Variants in RBFOX1 observed in about 807,000 individuals in gnomAD.
RBFOX1 encodes the protein RNA binding protein fox-1 homolog 1.
Under a neutral mutation model 57.7 loss-of-function variants are expected in RBFOX1, and 8 were observed. That is an observed-to-expected ratio of 0.14 (90% CI 0.08 to 0.25). RBFOX1 has a LOEUF of 0.25. RBFOX1 is among the 10% of genes least tolerant of loss of function. The probability of loss-of-function intolerance (pLI) is 1.00; values close to 1 mark genes in which losing one functional copy is unlikely to be tolerated. For missense variants in RBFOX1, 611 were observed against 548.5 expected (o/e 1.11, Z -1.14); for synonymous variants, 326 against 222.4 (o/e 1.47, Z -4.15).
At chr16:5,751,949 G>A (rs910074866) in intron 3 of RBFOX1, among the ~76,000 whole-genome samples, 4 of 152,010 alleles carry the variant, frequency 2.6e-5, no homozygotes, top group Non-Finnish European at 4.4e-5. Context: ...AATATAAATC[G>A]TTCTATTATA....
intron 4 of RBFOX1, among the ~76,000 whole-genome samples, chr16:5,998,933 C>T (rs2060538016): frequency 6.6e-6 from 1 of 152,140 alleles, no homozygotes; most frequent in Non-Finnish European, 1.5e-5. Flanking sequence ...GAACATCTCC[C>T]TATGGAACAT....
At chr16:6,044,020 G>C (rs780880184) in intron 1 of RBFOX1, among the ~76,000 whole-genome samples, 1 of 152,106 alleles carries the variant, frequency 6.6e-6, no homozygotes, top group African/African-American at 2.4e-5. Context: ...GTGGTTTCCC[G>C]GTGCTCTGCC....
chr16:6,598,443 G>A (rs1344933679), intron 2 of RBFOX1, among the ~76,000 whole-genome samples: 2 of 152,150 alleles, frequency 1.3e-5, no homozygotes, highest in African/African-American at 4.8e-5. Context: ...TAAAACTAAT[G>A]TTCTTGTTAT....
chr16:5,243,446 T>G (rs868812088), intron 1 of RBFOX1, among the ~76,000 whole-genome samples: 1 of 152,128 alleles, frequency 6.6e-6, no homozygotes, highest in African/African-American at 2.4e-5. Flanking sequence ...AGGAGAAACC[T>G]GGGTTTCTCA....
chr16:6,269,174 T>C (rs1170493482), intron 1 of RBFOX1, among the ~76,000 whole-genome samples: 1 of 152,240 alleles, frequency 6.6e-6, no homozygotes, highest in Non-Finnish European at 1.5e-5. Context: ...TTCAAAATTA[T>C]GCTGTATGCT....
At chr16:6,833,594 G>C (rs145625835) in intron 3 of RBFOX1, among the ~76,000 whole-genome samples, 115 of 152,266 alleles carry the variant, frequency 7.6e-4, no homozygotes, top group African/African-American at 2.6e-3. Flanking sequence ...TTATACACCT[G>C]TTAGTATGTT....
intron 4 of RBFOX1, among the ~76,000 whole-genome samples, chr16:7,213,567 A>C (rs1052792876): frequency 6.7e-6 from 1 of 148,626 alleles, no homozygotes; most frequent in Non-Finnish European, 1.5e-5. Context: ...CAAAAAAAAA[A>C]ACACAAACAA....
intron 2 of RBFOX1, among the ~76,000 whole-genome samples, chr16:6,374,383 C>G (rs908814099): frequency 1.3e-5 from 2 of 152,144 alleles, no homozygotes; most frequent in African/African-American, 4.8e-5. Context: ...ATTCTGAATA[C>G]CTGTTTTATC....
intron 3 of RBFOX1, among the ~76,000 whole-genome samples, chr16:6,928,798 A>AG (rs2153470363): frequency 6.6e-6 from 1 of 152,290 alleles, no homozygotes; most frequent in East Asian, 1.9e-4. Context: ...ATGAAAAGAC[A>AG]TATGCACACA....
rs533247140 is a variant in RBFOX1 at position 6,876,854 on chromosome 16, G to T, written c.-15-175203G>T. 2.0e-5 allele frequency among the ~76,000 whole-genome samples: 3 copies of T among 152,226 alleles called. No homozygotes were observed. In the South Asian group the frequency reaches 6.2e-4, roughly 32 times the overall value. ...ATTTCAGATGTGAGCAATGGAAGTG[G>T]GATTGGCATTCATCATAGTGTAAAT... On this transcript the variant is annotated intron_variant, in intron 3 of 15. Transcript: ENST00000550418.
At position 6,812,110 on chromosome 16, in the gene RBFOX1, G is replaced by A. The variant is rs946987060; in HGVS notation, c.-16+157460G>A. Among the ~76,000 whole-genome samples the A allele has an allele frequency of 4.6e-5, 7 of 152,212 alleles. No homozygotes were observed. In the East Asian group the frequency reaches 7.7e-4, roughly 17 times the overall value. On this transcript the variant is annotated intron_variant, in intron 3 of 15. Transcript: ENST00000550418. ...CTCCATATGATGAAGAAGCCTTCAC[G>A]AGAAACTCACTACCAAAGCAAAATC... is the stretch of plus-strand genomic sequence containing the variant.
At chr16:7,132,085 G>A (rs911098362) in intron 4 of RBFOX1, among the ~76,000 whole-genome samples, 23 of 148,606 alleles carry the variant, frequency 1.5e-4, no homozygotes, top group African/African-American at 3.0e-4. Context: ...TCTGCCGCCC[G>A]GGCTGAAGCA....
intron 1 of RBFOX1, among the ~76,000 whole-genome samples, chr16:6,207,947 T>A (rs74565285): frequency 1.3e-5 from 2 of 152,062 alleles, no homozygotes; most frequent in East Asian, 3.9e-4. Flanking sequence ...TACTTCAGAA[T>A]TTTTTTTAAC....
At chr16:6,977,035 TC>T (rs2087131332) in intron 3 of RBFOX1, among the ~76,000 whole-genome samples, 1 of 142,056 alleles carries the variant, frequency 7.0e-6, no homozygotes, top group African/African-American at 2.5e-5. Context: ...ATCATATATA[TC>T]ATATATATCA....
chr16:7,506,409 T>C (rs149583883), intron 4 of RBFOX1, among the ~76,000 whole-genome samples: 27 of 152,074 alleles, frequency 1.8e-4, no homozygotes, highest in Non-Finnish European at 2.8e-4. Flanking sequence ...GATAAAAATA[T>C]GCGGTGTGTT....
chr16:6,165,029 T>G (rs1356618466), intron 1 of RBFOX1, among the ~76,000 whole-genome samples: 1 of 152,184 alleles, frequency 6.6e-6, no homozygotes, highest in Non-Finnish European at 1.5e-5. Context: ...ACACTTTTGT[T>G]TTAACTTAAG....
At chr16:7,419,552 A>G (rs1403378236) in intron 4 of RBFOX1, among the ~76,000 whole-genome samples, 2 of 152,164 alleles carry the variant, frequency 1.3e-5, no homozygotes, top group East Asian at 3.9e-4. Context: ...ACCATGGCAA[A>G]TGTTGCGGCA....
intron 3 of RBFOX1, among the ~76,000 whole-genome samples, chr16:6,907,798 T>G (rs2070441577): frequency 6.8e-6 from 1 of 146,726 alleles, no homozygotes; most frequent in Admixed American, 6.7e-5. Context: ...GGTCTCAAAC[T>G]CCTGACCTCA....
chr16:6,465,882 G>A (rs112605091), intron 2 of RBFOX1, among the ~76,000 whole-genome samples: 13 of 133,368 alleles, frequency 9.7e-5, no homozygotes, highest in Admixed American at 6.8e-4. Context: ...ACATTTGTGT[G>A]TTTGTGTGTG....
Sources: allele counts gnomAD v4.1 joint callset (sites outside exome capture counted in the v4.1 genomes callset), GRCh38; gene constraint gnomAD v4.1.1; transcripts MANE v1.5; gene names NCBI Gene and HGNC (gene_info 2026-07-23, HGNC 2026-07-21).